Variants in FAF2 observed in about 807,000 individuals in gnomAD.
The protein encoded by FAF2 is FAS-associated factor 2.
A neutral mutation model predicts 62.3 loss-of-function variants in FAF2; 9 were observed. The ratio of observed to expected loss-of-function variants is 0.14; its 90% CI spans 0.09 to 0.25. The LOEUF (loss-of-function observed/expected upper bound fraction) is 0.25. Ranked by LOEUF, FAF2 falls within the 10% of genes least tolerant of loss-of-function variation. The pLI, the probability that FAF2 is intolerant of heterozygous loss-of-function variation, is 1.00. For synonymous variants in FAF2, 202 were observed against 198.0 expected, an observed-to-expected ratio of 1.02 and a Z score of -0.17; for missense variants, 368 against 556.2, an observed-to-expected ratio of 0.66 and a Z score of 3.40.
At chr5:176,491,677 T>C (rs1758972569) in intron 4 of FAF2, among the ~76,000 whole-genome samples, 1 of 152,218 alleles carries the variant, frequency 6.6e-6, no homozygotes, top group African/African-American at 2.4e-5. Flanking sequence ...AAACGTTCTG[T>C]ATCTCCGCTG....
At chr5:176,488,883 G>C in intron 3 of FAF2, 68 bp from the exon 4 acceptor site, 1 of 1,272,952 alleles carries the variant, frequency 7.9e-7, no homozygotes, top group Non-Finnish European at 1.1e-6. Context: ...GAGAAAATCT[G>C]ACCTAGCCAT....
intron 2 of FAF2, among the ~76,000 whole-genome samples, chr5:176,481,436 T>TCA: frequency 6.6e-6 from 1 of 152,134 alleles, no homozygotes; most frequent in East Asian, 2.0e-4. Context: ...GGCAGGCAGA[T>TCA]CACGAGGTCA....
chr5:176,488,897 A>T (rs1758922038), intron 3 of FAF2, 54 bp from the exon 4 acceptor site: 1 of 1,421,868 alleles, frequency 7.0e-7, no homozygotes, highest in African/African-American at 1.4e-5. Context: ...TAGCCATTTG[A>T]TAAAATATTA....
At chr5:176,482,577 T>C (rs1349957762) in intron 2 of FAF2, among the ~76,000 whole-genome samples, 10 of 152,150 alleles carry the variant, frequency 6.6e-5, no homozygotes, top group Admixed American at 1.3e-4. Flanking sequence ...GGTACTATTA[T>C]GGCTAACTGC....
rs537989395 is a variant in FAF2, at chr5:176,492,223, C to A, written c.374C>A (p.Pro125His). The A allele has an allele frequency of 1.2e-6, 2 of 1,614,118 alleles. No individual in the cohort carries two copies. Among genetic ancestry groups the A allele is most frequent in the African/African-American group, 2.7e-5 (2 of 75,026 alleles). The change falls in exon 5 of 11, where the codon CCT becomes CAT. Residue 125 changes from proline (P) to histidine (H), a missense_variant. By Grantham distance (77) the Pro-to-His change is moderately conservative. This residue lies in a region of FAF2 where 331 missense variants were observed against 441.9 expected (regional missense o/e 0.75). Coordinates refer to ENST00000261942, the MANE Select transcript of FAF2 (RefSeq NM_014613.3). ...GCTCTTCGTTTTATACGGCCTGACC[C>A]TCGCAGCCGGGTCACTGACCCCGTT... ...RFALRFIRPD[P>H]RSRVTDPVGD...
intron 10 of FAF2, among the ~76,000 whole-genome samples, chr5:176,500,760 G>C (rs777120705): frequency 3.3e-5 from 5 of 151,812 alleles, no homozygotes; most frequent in East Asian, 3.8e-4. Flanking sequence ...ATTCTTCCAG[G>C]GTTACTAGAT....
intron 1 of FAF2, among the ~76,000 whole-genome samples, chr5:176,475,529 C>G (rs1758673190): frequency 2.6e-5 from 4 of 152,216 alleles, no homozygotes. Context: ...GTAATCCCAA[C>G]ACTTTGGGAG....
chr5:176,493,110 A>T (rs910841678), intron 5 of FAF2, among the ~76,000 whole-genome samples: 1 of 152,228 alleles, frequency 6.6e-6, no homozygotes, highest in Non-Finnish European at 1.5e-5. Context: ...AACTATGGGA[A>T]TGCTGTGGCA....
At chr5:176,504,113 AAAG>A (rs1449031552) in intron 10 of FAF2, among the ~76,000 whole-genome samples, 3 of 151,982 alleles carry the variant, frequency 2.0e-5, no homozygotes, top group Non-Finnish European at 4.4e-5. Context: ...TCTCAAAAAA[AAAG>A]AAAAACAAAA....
At chr5:176,477,664 A>G (rs1019942188) in intron 1 of FAF2, among the ~76,000 whole-genome samples, 1 of 152,250 alleles carries the variant, frequency 6.6e-6, no homozygotes, top group Non-Finnish European at 1.5e-5. Flanking sequence ...GTAATTATAA[A>G]AAATGAAAAC....
At chr5:176,478,623 T>C (rs896923851) in intron 1 of FAF2, among the ~76,000 whole-genome samples, 2 of 152,242 alleles carry the variant, frequency 1.3e-5, no homozygotes, top group African/African-American at 4.8e-5. Context: ...TACATCATTA[T>C]GTAGAGGTTG....
At chr5:176,481,127 ACCTCCG>A (rs1051385493) in intron 2 of FAF2, among the ~76,000 whole-genome samples, 33 of 151,504 alleles carry the variant, frequency 2.2e-4, no homozygotes, top group Non-Finnish European at 3.7e-4. Context: ...GCTCACTGCA[ACCTCCG>A]CCTCCCGGGT....
intron 1 of FAF2, among the ~76,000 whole-genome samples, chr5:176,459,721 G>GT (rs1758342429): frequency 6.6e-6 from 1 of 151,912 alleles, no homozygotes; most frequent in East Asian, 1.9e-4. Context: ...GTTTTGTTTT[G>GT]TTTTTTCTTT....
chr5:176,482,958 T>C (rs923114794), intron 2 of FAF2, among the ~76,000 whole-genome samples: 2 of 151,998 alleles, frequency 1.3e-5, no homozygotes, highest in Non-Finnish European at 2.9e-5. Context: ...TCTTGGTCTC[T>C]TGACCTTGTG....
rs537597604 is a variant in FAF2, at chr5:176,506,700, TGTGTGC to T, written c.1156-62_1156-57del. 1.8e-3 allele frequency: 1,799 copies of T among 1,008,378 alleles called. 3 individuals are homozygous for T. Among genetic ancestry groups the T allele is most frequent in the Non-Finnish European group, 2.1e-3 (1,483 of 711,864 alleles). 62.5% of individuals were successfully genotyped at this position (1,008,378 alleles called of 1,614,324 possible). ...ATTTGACTTCAGAGTTGTGTGTGCG[TGTGTGC>T]GTGTGTGTGTGTGTATTTCTGTTTT... On this transcript the variant is annotated intron_variant, in intron 10 of 10. Coordinates refer to ENST00000261942, the MANE Select transcript of FAF2 (RefSeq NM_014613.3).
chr5:176,494,273 G>A lies in FAF2; in HGVS notation c.659G>A (p.Arg220Lys), dbSNP rs1298629040. Reference protein sequence around the residue: ...ACSTNKPEGYRVSQALRENTY... With the variant: ...ACSTNKPEGYKVSQALRENTY... ...TCTACAAACAAACCTGAGGGATACA[G>A]GGGTAAGTTATGTTTCTTCTGCCTC... is the stretch of plus-strand genomic sequence containing the variant. Residue 220 changes from arginine (R) to lysine (K), a missense_variant and splice_region_variant, in exon 7 of 11, where the codon AGG becomes AAG. Arg to Lys is a conservative substitution (Grantham distance 26). Coordinates refer to ENST00000261942, the MANE Select transcript of FAF2 (RefSeq NM_014613.3). The surrounding 1 kb of genome is among the most constrained non-coding windows in gnomAD (Gnocchi z 4.0). 1.1e-5 allele frequency: 17 copies of A among 1,611,656 alleles called. No individual in the cohort carries two copies. The highest frequency in any genetic ancestry group is 3.3e-5 in the Admixed American group (2 of 59,990).
intron 1 of FAF2, among the ~76,000 whole-genome samples, chr5:176,456,368 G>A (rs957155968): frequency 3.9e-5 from 6 of 152,000 alleles, no homozygotes; most frequent in South Asian, 2.1e-4. Flanking sequence ...CACCGTGCCC[G>A]GCCCAAAATA....
chr5:176,455,194 A>G (rs116255822), intron 1 of FAF2, among the ~76,000 whole-genome samples: 2,239 of 152,256 alleles, frequency 0.015, 53 homozygotes, highest in African/African-American at 0.051. Context: ...AGGTTGCACT[A>G]CACTTAAGGA....
intron 10 of FAF2, among the ~76,000 whole-genome samples, chr5:176,506,147 C>T (rs181491516): frequency 1.8e-4 from 26 of 148,400 alleles, no homozygotes; most frequent in Non-Finnish European, 1.6e-4. Flanking sequence ...GCTGAGATGG[C>T]GCCATTGCAC....
Sources: gnomAD v4.1 joint callset for allele counts (sites outside exome capture counted in the v4.1 genomes callset) on GRCh38, gnomAD v4.1.1 for gene constraint, gnomAD v4.1.1 regional missense constraint, Gnocchi (gnomAD v3.1) non-coding constraint, MANE v1.5 for transcripts, NCBI Gene and HGNC (gene_info 2026-07-23, HGNC 2026-07-21) for gene names.